The following LAMA1 variants were observed in gnomAD, a reference collection of about 807,000 sequenced individuals.
LAMA1 encodes the protein laminin subunit alpha-1.
Under a neutral mutation model 348.7 loss-of-function variants are expected in LAMA1, and 219 were observed. The ratio of observed to expected loss-of-function variants is 0.63; its 90% confidence interval spans 0.56 to 0.70. The LOEUF (loss-of-function observed/expected upper bound fraction) is 0.70. Among genes scored for constraint, LAMA1 ranks in the 30% least tolerant of loss-of-function variants. LAMA1 has a pLI of 0.00. For missense variants in LAMA1, 3,744 were observed against 3,888.0 expected (o/e 0.96, Z 0.99); for synonymous variants, 1,487 against 1,491.0 (o/e 1.00, Z 0.06).
chr18:7,043,513 C>A, intron 7 of LAMA1, 108 bp from the exon 8 acceptor site: 3 of 892,364 alleles, frequency 3.4e-6, no homozygotes, highest in Non-Finnish European at 5.3e-6. Flanking sequence ...AAATTAAAAT[C>A]CTAGAATAAG....
At position 6,977,792 on chromosome 18, in the gene LAMA1, T is replaced by C; in HGVS notation, c.6280A>G (p.Asn2094Asp). The change falls in exon 44 of 63, where the codon AAT becomes GAT. Residue 2094 changes from asparagine to aspartate, a missense_variant. Physicochemically the swap from Asn to Asp is conservative, Grantham distance 23 (BLOSUM62 1). Transcript: ENST00000389658. Reference sequence around the variant, plus strand: ...ATTTCTGATAGGTTTCTGCTCAGATTCTCCTCTAACATCTTCAAAGGCTTC... The same window carrying C: ...ATTTCTGATAGGTTTCTGCTCAGATCCTCCTCTAACATCTTCAAAGGCTTC... The part of the protein sequence containing the change: ...RLKPLKMLEE[N>D]LSRNLSEIKL... 1 of 1,614,132 alleles carries C rather than the reference T, an allele frequency of 6.2e-7. No homozygotes were observed. Among genetic ancestry groups the C allele is most frequent in the East Asian group, 2.2e-5 (1 of 44,876 alleles).
intron 16 of LAMA1, among the ~76,000 whole-genome samples, chr18:7,029,135 T>C (rs2057957368): frequency 6.6e-6 from 1 of 152,238 alleles, no homozygotes; most frequent in African/African-American, 2.4e-5. Context: ...CTTAGGGTTA[T>C]CCTAGACCAG....
At chr18:7,109,411 G>A (rs1167716756) in intron 1 of LAMA1, among the ~76,000 whole-genome samples, 8 of 152,192 alleles carry the variant, frequency 5.3e-5, no homozygotes, top group African/African-American at 1.7e-4. Flanking sequence ...ATGTCATTCT[G>A]GACCAGCCAT....
chr18:6,975,117 C>G, intron 45 of LAMA1, 81 bp from the exon 46 acceptor site: 2 of 1,466,570 alleles, frequency 1.4e-6, no homozygotes, highest in East Asian at 4.8e-5. Flanking sequence ...AGAGTCAATT[C>G]TTACGGGGTT....
intron 61 of LAMA1, among the ~76,000 whole-genome samples, chr18:6,944,067 G>A (rs930895674): frequency 7.2e-5 from 11 of 152,034 alleles, no homozygotes; most frequent in Non-Finnish European, 1.5e-4. Flanking sequence ...CCAGGCTGGA[G>A]TGCAGTGGCG....
chr18:6,994,883 C>G (rs1010340326), intron 34 of LAMA1, among the ~76,000 whole-genome samples: 5 of 152,056 alleles, frequency 3.3e-5, no homozygotes, highest in African/African-American at 1.2e-4. Flanking sequence ...AAATCAGAAC[C>G]ACCCCAGCCT....
At chr18:7,090,294 A>T (rs2058234461) in intron 1 of LAMA1, among the ~76,000 whole-genome samples, 2 of 152,214 alleles carry the variant, frequency 1.3e-5, no homozygotes, top group African/African-American at 4.8e-5. Context: ...AATATATCAA[A>T]GTCTTGCCTG....
chr18:7,040,348 G>T, intron 9 of LAMA1, 112 bp from the exon 10 acceptor site: 2 of 1,091,254 alleles, frequency 1.8e-6, no homozygotes, highest in Non-Finnish European at 2.8e-6. Flanking sequence ...AGGCTTTTTG[G>T]CCTCAGAGTC....
chr18:7,023,089 G>T, intron 19 of LAMA1, 75 bp downstream of exon 19: 3 of 1,493,526 alleles, frequency 2.0e-6, no homozygotes, highest in South Asian at 2.4e-5. Context: ...GGCCCTGTGT[G>T]ACACATGTGA....
chr18:7,034,448 C>T (rs749483697), intron 14 of LAMA1, 31 bp downstream of exon 14: 11 of 1,511,140 alleles, frequency 7.3e-6, no homozygotes, highest in South Asian at 1.1e-5. Flanking sequence ...GTACCTTCAC[C>T]GTAAGTTTTT....
At position 7,044,738 on chromosome 18, in the gene LAMA1, G is replaced by C; in HGVS notation, c.960C>G (p.Ser320=). ...TATACTGACCTTCACATGTATTGCC[G>C]GAGGACACGGTTCCCGGCCTCCAGG... is the stretch of plus-strand genomic sequence containing the variant. ...QQPWRPGTVS[S]GNTCEACNCH... is the part of the protein sequence containing the mutation. The change falls in exon 7 of 63, where the codon TCC becomes TCG. Residue 320 remains serine (S), a synonymous_variant. Coordinates refer to ENST00000389658, the MANE Select transcript of LAMA1 (RefSeq NM_005559.4). The C allele has an allele frequency of 6.2e-7, 1 of 1,613,880 alleles. No individual in the cohort carries two copies. Among genetic ancestry groups the C allele is most frequent in the Non-Finnish European group, 8.5e-7 (1 of 1,179,808 alleles).
chr18:7,043,239 A>G lies in LAMA1; in HGVS notation c.1143T>C (p.Tyr381=), dbSNP rs201646668. 5.3e-5 allele frequency: 86 copies of G among 1,614,162 alleles called. No homozygotes were observed. The South Asian group carries it at 7.8e-4, about 15-fold the overall frequency. ...GAAATACTCTTACTTTGTGTGGTCT[A>G]TAATATCCATCAATACAGGTTTCAC... ...INCETCIDGY[Y]RPHKVSPYED... The change falls in exon 8 of 63, where the codon TAT becomes TAC. Residue 381 remains tyrosine, a synonymous_variant. Transcript: ENST00000389658.
At chr18:7,094,939 G>C (rs531983791) in intron 1 of LAMA1, among the ~76,000 whole-genome samples, 5 of 152,286 alleles carry the variant, frequency 3.3e-5, no homozygotes, top group African/African-American at 1.2e-4. Flanking sequence ...TCGAGAAATT[G>C]AAGAAGTTCT....
intron 61 of LAMA1, among the ~76,000 whole-genome samples, chr18:6,946,789 C>T (rs1348545833): frequency 6.6e-6 from 1 of 152,014 alleles, no homozygotes; most frequent in Non-Finnish European, 1.5e-5. Flanking sequence ...ATGGGGCCCT[C>T]CCTGTACATT....
chr18:7,099,739 A>G (rs1398846589), intron 1 of LAMA1, among the ~76,000 whole-genome samples: 1 of 152,026 alleles, frequency 6.6e-6, no homozygotes, highest in African/African-American at 2.4e-5. Context: ...CTATGGCACT[A>G]CAAAACATAC....
chr18:7,016,588 C>T lies in LAMA1; in HGVS notation c.2892G>A (p.Thr964=), dbSNP rs748014814. Residue 964 remains threonine, a synonymous_variant, in exon 21 of 63, where the codon ACG becomes ACA. Coordinates refer to ENST00000389658, the MANE Select transcript of LAMA1 (RefSeq NM_005559.4). ...GGACACAGTGACACTGGCCTTCATC[C>T]GTGCAGCCATCTGACACGGAGCCTG... ...SVAGSVSDGC[T]DEGQCHCVPG... 12 of 1,614,194 alleles carry T rather than the reference C, an allele frequency of 7.4e-6. No individual in the cohort carries two copies. The highest frequency in any genetic ancestry group is 6.7e-5 in the East Asian group (3 of 44,878).
rs374778673 is a variant in LAMA1 at position 6,965,373 on chromosome 18, A to G, written c.7110T>C (p.Gly2370=). Residue 2370 remains glycine (G), a synonymous_variant, in exon 50 of 63, where the codon GGT becomes GGC. Coordinates refer to ENST00000389658, the MANE Select transcript of LAMA1 (RefSeq NM_005559.4). ...RGRVKVMTDL[G]SGPITLLTDR... is the part of the protein sequence containing the mutation. ...CTGTCAAAAGGGTAATGGGTCCTGAACCCAGGTCAGTCATAACCTTCACTC... is the reference window on the plus strand; with the variant it reads ...CTGTCAAAAGGGTAATGGGTCCTGAGCCCAGGTCAGTCATAACCTTCACTC... 7 of 1,614,072 alleles carry G rather than the reference A, an allele frequency of 4.3e-6. No homozygotes were observed. In the African/African-American group the frequency reaches 8.0e-5, roughly 18 times the overall value.
intron 53 of LAMA1, among the ~76,000 whole-genome samples, chr18:6,961,352 AAATAACTTTTTCCTC>A (rs1487765531): frequency 1.3e-5 from 2 of 152,216 alleles, no homozygotes; most frequent in Non-Finnish European, 2.9e-5. Context: ...GGTAGACAGC[AAATAACTTTTTCCTC>A]AGTCACCAGA....
chr18:6,999,309 T>G (rs577360966), intron 32 of LAMA1, 136 bp downstream of exon 32: 217 of 901,754 alleles, frequency 2.4e-4, no homozygotes, highest in Non-Finnish European at 3.5e-4. Flanking sequence ...CAGTGATCTA[T>G]GCTTAGAAAA....
Sources: allele counts gnomAD v4.1 joint callset (sites outside exome capture counted in the v4.1 genomes callset), GRCh38; gene constraint gnomAD v4.1.1; transcripts MANE v1.5; gene names NCBI Gene and HGNC (gene_info 2026-07-23, HGNC 2026-07-21).